The following CELA1 variants were observed in gnomAD, a reference collection of about 807,000 sequenced individuals.
The protein encoded by CELA1 is chymotrypsin-like elastase family member 1.
A neutral mutation model predicts 34.8 loss-of-function variants in CELA1; 28 were observed. The observed-to-expected ratio is 0.80, with a 90% confidence interval of 0.60 to 1.10. CELA1 has a LOEUF of 1.10. Among genes scored for constraint, CELA1 ranks in the 50% least tolerant of loss-of-function variants. The probability of loss-of-function intolerance (pLI) is 0.00; values close to 1 mark genes in which losing one functional copy is unlikely to be tolerated. For missense variants in CELA1, 288 were observed against 327.5 expected, an observed-to-expected ratio of 0.88 and a Z score of 0.93; for synonymous variants, 140 against 129.8, an observed-to-expected ratio of 1.08 and a Z score of -0.53.
At chr12:51,334,457 A>G (rs1056628914) in intron 6 of CELA1, among the ~76,000 whole-genome samples, 1 of 151,970 alleles carries the variant, frequency 6.6e-6, no homozygotes, top group Non-Finnish European at 1.5e-5. Flanking sequence ...TCTTTGAGAC[A>G]GAGTCTTGCT....
At chr12:51,334,420 C>T (rs141649176) in intron 6 of CELA1, among the ~76,000 whole-genome samples, 39 of 152,066 alleles carry the variant, frequency 2.6e-4, no homozygotes, top group Non-Finnish European at 5.0e-4. Flanking sequence ...CTCATACACA[C>T]AAAAAACTTT....
intron 6 of CELA1, among the ~76,000 whole-genome samples, chr12:51,336,603 G>A (rs1271548634): frequency 1.3e-5 from 2 of 152,138 alleles, no homozygotes; most frequent in Non-Finnish European, 2.9e-5. Flanking sequence ...CTCCAGCCTG[G>A]GTGAGAGAGG....
rs761201130 is a variant in CELA1 at position 51,341,376 on chromosome 12, C to G, written c.331G>C (p.Asp111His). The G allele has an allele frequency of 6.2e-7, 1 of 1,614,124 alleles. No individual in the cohort carries two copies. The highest frequency in any genetic ancestry group is 1.1e-5 in the South Asian group (1 of 91,070). Residue 111 changes from aspartate (D) to histidine (H), a missense_variant, in exon 5 of 8, where the codon GAC becomes CAC. Transcript: ENST00000293636. Reference protein sequence around the residue: ...WNSDNVAAGYDIALLRLAQSV... With the variant: ...WNSDNVAAGYHIALLRLAQSV... ...TGGGCCAGGCGCAGCAGGGCGATGTCATAGCTGCAGGAGAAAAGGAGACTG... is the reference window on the plus strand; with the variant it reads ...TGGGCCAGGCGCAGCAGGGCGATGTGATAGCTGCAGGAGAAAAGGAGACTG...
At chr12:51,329,219 A>C (rs1163611324) in intron 7 of CELA1, among the ~76,000 whole-genome samples, 3 of 146,760 alleles carry the variant, frequency 2.0e-5, no homozygotes, top group Non-Finnish European at 4.5e-5. Flanking sequence ...AAGCCACTGC[A>C]CTCCAGCCTG....
intron 6 of CELA1, among the ~76,000 whole-genome samples, chr12:51,336,512 G>A (rs17860330): frequency 3.0e-4 from 46 of 152,110 alleles, no homozygotes; most frequent in African/African-American, 1.0e-3. Context: ...CTGTAATCCC[G>A]GCTACTTAGG....
intron 5 of CELA1, 46 bp downstream of exon 5, chr12:51,341,198 C>A: frequency 6.2e-7 from 1 of 1,610,206 alleles, no homozygotes; most frequent in Non-Finnish European, 8.5e-7. Flanking sequence ...GCTCAGCTAC[C>A]TAATCAAGAT....
intron 3 of CELA1, 133 bp from the exon 4 acceptor site, chr12:51,342,833 TG>T (rs1465672296): frequency 3.2e-5 from 32 of 986,028 alleles, no homozygotes; most frequent in Non-Finnish European, 2.8e-6. Context: ...TTTTTAGAGA[TG>T]GGGTTTTGCT....
intron 6 of CELA1, among the ~76,000 whole-genome samples, chr12:51,331,203 C>G (rs1020679859): frequency 1.3e-5 from 2 of 151,508 alleles, no homozygotes; most frequent in African/African-American, 4.9e-5. Context: ...TAGGCCAACA[C>G]AGTGAAACCC....
intron 6 of CELA1, among the ~76,000 whole-genome samples, chr12:51,338,688 C>T (rs959283081): frequency 6.6e-6 from 1 of 152,186 alleles, no homozygotes; most frequent in African/African-American, 2.4e-5. Context: ...CATTGTATTA[C>T]AATGTTCTAT....
At chr12:51,340,672 G>A (rs1415602229) in intron 5 of CELA1, among the ~76,000 whole-genome samples, 3 of 152,108 alleles carry the variant, frequency 2.0e-5, no homozygotes, top group Non-Finnish European at 2.9e-5. Flanking sequence ...ACTCAGCTAA[G>A]GATCCTTAAT....
At chr12:51,338,287 C>T (rs867304218) in intron 6 of CELA1, among the ~76,000 whole-genome samples, 5 of 124,310 alleles carry the variant, frequency 4.0e-5, no homozygotes, top group African/African-American at 1.5e-4. Flanking sequence ...CACACACACA[C>T]ATACACATAC....
chr12:51,338,291 CACAT>C, intron 6 of CELA1, among the ~76,000 whole-genome samples: 4 of 74,008 alleles, frequency 5.4e-5, no homozygotes, highest in African/African-American at 4.5e-5. Flanking sequence ...CACACACATA[CACAT>C]ACGCATACAT....
intron 6 of CELA1, among the ~76,000 whole-genome samples, chr12:51,338,288 A>G (rs1298990787): frequency 8.0e-6 from 1 of 124,616 alleles, no homozygotes; most frequent in East Asian, 2.2e-4. Flanking sequence ...ACACACACAC[A>G]TACACATACG....
chr12:51,342,811 A>C, intron 3 of CELA1, 111 bp from the exon 4 acceptor site: 2 of 1,274,060 alleles, frequency 1.6e-6, no homozygotes, highest in East Asian at 2.8e-5. Context: ...TTATTTAGGA[A>C]ATTTTTTTTT....
rs1946567036 is a variant in CELA1, at chr12:51,346,615, C to T, written c.16+8G>A. The T allele has an allele frequency of 6.9e-6, 4 of 580,884 alleles. No homozygotes were observed. The highest frequency in any genetic ancestry group is 9.5e-6 in the Non-Finnish European group (4 of 422,462). 36.0% of individuals were successfully genotyped at this position (580,884 alleles called of 1,614,324 possible). A position where few individuals can be genotyped will look rare whatever the true frequency, so the allele number is the denominator to read the frequency against. On this transcript the variant is annotated splice_region_variant and intron_variant, in intron 1 of 7. Coordinates refer to ENST00000293636, the MANE Select transcript of CELA1 (RefSeq NM_001971.6). ...GACCAGGGTTGCGACTGGACCATAT[C>T]CACTTACCATAAAGGACCAGCATGT...
Position 51,329,772 on chromosome 12 carries a change from G to A in CELA1, c.671C>T (p.Thr224Ile). The A allele has an allele frequency of 6.2e-7, 1 of 1,613,990 alleles. No individual in the cohort carries two copies. The highest frequency in any genetic ancestry group is 2.2e-5 in the East Asian group (1 of 44,870). ...ACAGCCCCGGCTGGACACAAAGCTG[G>A]TCACTCCATGGACAGAATACTTGCC... ...VNGKYSVHGV[T>I]SFVSSRGCNV... Residue 224 changes from threonine to isoleucine, a missense_variant, in exon 7 of 8, where the codon ACC becomes ATC. Thr to Ile is a moderately conservative substitution (Grantham distance 89, BLOSUM62 -1). Coordinates refer to ENST00000293636, the MANE Select transcript of CELA1 (RefSeq NM_001971.6).
intron 6 of CELA1, among the ~76,000 whole-genome samples, chr12:51,339,621 C>T (rs981917757): frequency 6.6e-6 from 1 of 152,124 alleles, no homozygotes; most frequent in African/African-American, 2.4e-5. Context: ...AAATGTTGGG[C>T]CACGTACAAA....
At chr12:51,341,767 CCACCTG>C (rs1946536660) in intron 4 of CELA1, among the ~76,000 whole-genome samples, 2 of 152,054 alleles carry the variant, frequency 1.3e-5, no homozygotes, top group South Asian at 4.2e-4. Flanking sequence ...GAACCCACCC[CCACCTG>C]CACATGCTAT....
rs111711664 is a variant in CELA1 at position 51,341,424 on chromosome 12, C to T, written c.327-44G>A. 13 of 1,611,184 alleles carry T rather than the reference C, an allele frequency of 8.1e-6. No homozygotes were observed. The African/African-American group carries it at 1.7e-4, about 21-fold the overall frequency. On this transcript the variant is annotated intron_variant, in intron 4 of 7. Transcript: ENST00000293636. ...CTGCTCACTCATGGGATCAGCTCTT[C>T]CCTGAGGTCAGCATATACACTGGCC...
Sources: gnomAD v4.1 joint callset for allele counts (sites outside exome capture counted in the v4.1 genomes callset) on GRCh38, gnomAD v4.1.1 for gene constraint, MANE v1.5 for transcripts, NCBI Gene and HGNC (gene_info 2026-07-23, HGNC 2026-07-21) for gene names.